Variants in DPP6 observed in about 807,000 individuals in gnomAD.
The protein encoded by DPP6 is A-type potassium channel modulatory protein DPP6.
DPP6 carries 69 observed loss-of-function variants against 122.6 expected under a neutral mutation model. That is an observed-to-expected ratio of 0.56 (90% CI 0.46 to 0.69). DPP6 has a LOEUF of 0.69. Ranked by LOEUF, DPP6 falls within the 30% of genes least tolerant of loss-of-function variation. The pLI is 0.00. For synonymous variants in DPP6, 418 were observed against 433.1 expected, an observed-to-expected ratio of 0.97 and a Z score of 0.43; for missense variants, 928 against 1,116.9, an observed-to-expected ratio of 0.83 and a Z score of 2.41.
intron 1 of DPP6, among the ~76,000 whole-genome samples, chr7:154,284,197 G>C (rs1206861100): frequency 1.3e-5 from 2 of 152,150 alleles, no homozygotes; most frequent in Admixed American, 1.3e-4. Context: ...TGAGATGCCT[G>C]TGTAGGTGAG....
intron 1 of DPP6, among the ~76,000 whole-genome samples, chr7:154,129,004 T>C (rs1482856962): frequency 6.6e-6 from 1 of 152,158 alleles, no homozygotes; most frequent in African/African-American, 2.4e-5. Flanking sequence ...GCATCTTCTC[T>C]ACCTTGTTGA....
At chr7:154,399,534 T>C (rs1815386111) in intron 1 of DPP6, among the ~76,000 whole-genome samples, 1 of 152,202 alleles carries the variant, frequency 6.6e-6, no homozygotes, top group Non-Finnish European at 1.5e-5. Context: ...CCTCCTAAAC[T>C]CCAATGCCAG....
chr7:154,551,699 C>G (rs1246897224), intron 4 of DPP6, among the ~76,000 whole-genome samples: 1 of 152,020 alleles, frequency 6.6e-6, no homozygotes, highest in Non-Finnish European at 1.5e-5. Context: ...CCTTTTGTTC[C>G]AAATTCATAC....
chr7:154,128,625 G>A (rs1808121065), intron 1 of DPP6, among the ~76,000 whole-genome samples: 1 of 152,070 alleles, frequency 6.6e-6, no homozygotes, highest in Non-Finnish European at 1.5e-5. Flanking sequence ...TCCTGACCTC[G>A]TGATCCACCC....
intron 8 of DPP6, among the ~76,000 whole-genome samples, chr7:154,728,191 G>A (rs1440891277): frequency 2.0e-5 from 3 of 152,328 alleles, no homozygotes; most frequent in East Asian, 1.9e-4. Flanking sequence ...TCGTTAATGG[G>A]AGATTTATTA....
chr7:154,552,500 A>AGG (rs1228713591), intron 4 of DPP6, among the ~76,000 whole-genome samples: 1 of 152,230 alleles, frequency 6.6e-6, no homozygotes, highest in African/African-American at 2.4e-5. Context: ...ACCACCCAGC[A>AGG]GGGGCGTCCA....
At chr7:154,679,665 T>G (rs1469284357) in intron 7 of DPP6, among the ~76,000 whole-genome samples, 1 of 152,212 alleles carries the variant, frequency 6.6e-6, no homozygotes, top group Non-Finnish European at 1.5e-5. Flanking sequence ...TGAAATGTCC[T>G]ATATGTGGAG....
chr7:154,887,168 C>T (rs1806215025), intron 22 of DPP6, among the ~76,000 whole-genome samples: 1 of 152,218 alleles, frequency 6.6e-6, no homozygotes, highest in Non-Finnish European at 1.5e-5. Context: ...ACCCTGCAGG[C>T]CAGGGGCACT....
intron 6 of DPP6, among the ~76,000 whole-genome samples, chr7:154,646,395 C>T (rs1836482999): frequency 6.6e-6 from 1 of 152,174 alleles, no homozygotes; most frequent in African/African-American, 2.4e-5. Context: ...CTATTGACTT[C>T]ATTCTCCTCC....
the DPP6 span, among the ~76,000 whole-genome samples, chr7:153,752,022 G>A: frequency 6.6e-6 from 1 of 152,098 alleles, no homozygotes; most frequent in Admixed American, 6.5e-5. Flanking sequence ...GTGTCATTTT[G>A]GATAAGTTGC....
intron 5 of DPP6, 104 bp from the exon 6 acceptor site, chr7:154,637,717 C>T: frequency 8.2e-7 from 1 of 1,218,030 alleles, no homozygotes. Flanking sequence ...GGATTAGCTG[C>T]TTTTGGTTCA....
chr7:154,347,073 C>A (rs1199991108), intron 1 of DPP6, among the ~76,000 whole-genome samples: 1 of 152,154 alleles, frequency 6.6e-6, no homozygotes, highest in Non-Finnish European at 1.5e-5. Context: ...CACAAATTAG[C>A]CCTGTAATGT....
intron 10 of DPP6, among the ~76,000 whole-genome samples, chr7:154,790,873 A>G (rs1006488580): frequency 1.3e-5 from 2 of 150,840 alleles, no homozygotes; most frequent in Non-Finnish European, 3.0e-5. Flanking sequence ...GAGGGAGGGA[A>G]AAAAGAGATG....
intron 6 of DPP6, among the ~76,000 whole-genome samples, chr7:154,655,827 C>T (rs564127048): frequency 7.2e-5 from 11 of 152,296 alleles, no homozygotes; most frequent in African/African-American, 2.4e-4. Context: ...CTGCCTTGCT[C>T]TCTGAGGGTC....
At chr7:153,845,241 ATAG>A in the DPP6 span, among the ~76,000 whole-genome samples, 12 of 152,302 alleles carry the variant, frequency 7.9e-5, no homozygotes, top group Admixed American at 4.6e-4. Context: ...TTTAATAATT[ATAG>A]TAGTTTTTTC....
At chr7:153,776,073 T>C in the DPP6 span, among the ~76,000 whole-genome samples, 3 of 152,116 alleles carry the variant, frequency 2.0e-5, no homozygotes, top group Admixed American at 6.6e-5. Context: ...AAGTTCATTA[T>C]AAAATGTGCA....
intron 5 of DPP6, among the ~76,000 whole-genome samples, chr7:154,572,898 T>TC (rs1414639899): frequency 6.6e-6 from 1 of 152,038 alleles, no homozygotes; most frequent in Non-Finnish European, 1.5e-5. Context: ...TAGGCTGGTC[T>TC]CAAACTCCTT....
chr7:154,390,469 T>G (rs527659637), intron 1 of DPP6, among the ~76,000 whole-genome samples: 16 of 152,114 alleles, frequency 1.1e-4, no homozygotes, highest in Non-Finnish European at 2.2e-4. Flanking sequence ...TTGGAGGTAT[T>G]GAGTGAGATT....
chr7:154,279,608 T>G (rs1346988376), intron 1 of DPP6, among the ~76,000 whole-genome samples: 5 of 152,222 alleles, frequency 3.3e-5, no homozygotes, highest in Non-Finnish European at 5.9e-5. Flanking sequence ...TGATGATCAT[T>G]ACGTTCACGT....
Sources: allele counts gnomAD v4.1 joint callset (sites outside exome capture counted in the v4.1 genomes callset), GRCh38; gene constraint gnomAD v4.1.1; transcripts MANE v1.5; gene names NCBI Gene and HGNC (gene_info 2026-07-23, HGNC 2026-07-21).